The following TRIOBP variants were observed in gnomAD, a reference collection of about 807,000 sequenced individuals.
TRIOBP encodes the protein TRIO and F-actin-binding protein.
TRIOBP carries 169 observed loss-of-function variants against 238.8 expected under a neutral mutation model. The ratio of observed to expected loss-of-function variants is 0.71; its 90% confidence interval spans 0.62 to 0.80. TRIOBP has a LOEUF of 0.80. Among genes scored for constraint, TRIOBP ranks in the 30% least tolerant of loss-of-function variants. TRIOBP has a pLI of 0.00. For synonymous variants in TRIOBP, 1,150 were observed against 1,274.4 expected (o/e 0.90, Z 2.08); for missense variants, 2,838 against 3,122.6 (o/e 0.91, Z 2.17).
chr22:37,746,245 G>T (rs1925246201), intron 11 of TRIOBP: 2 of 1,090,330 alleles, frequency 1.8e-6, no homozygotes, highest in Non-Finnish European at 2.2e-6. Flanking sequence ...TTTATGGGCG[G>T]ATGGAAGGGG....
At chr22:37,744,340 T>C (rs899612781) in intron 11 of TRIOBP, among the ~76,000 whole-genome samples, 3 of 152,160 alleles carry the variant, frequency 2.0e-5, no homozygotes, top group Admixed American at 1.3e-4. Context: ...TATTTACTTA[T>C]TGTATTTTGC....
chr22:37,755,400 T>C (rs1222745395), intron 14 of TRIOBP, 150 bp from the exon 15 acceptor site: 1 of 917,746 alleles, frequency 1.1e-6, no homozygotes, highest in Non-Finnish European at 1.7e-6. Flanking sequence ...CCCAGGCCAA[T>C]GGAAGGGAGG....
intron 12 of TRIOBP, among the ~76,000 whole-genome samples, chr22:37,753,317 C>T (rs1925724750): frequency 6.6e-6 from 1 of 152,010 alleles, no homozygotes; most frequent in Non-Finnish European, 1.5e-5. Context: ...TCTTGTTGCC[C>T]AGGCTGGAGT....
chr22:37,703,241 G>C (rs1232487915), intron 3 of TRIOBP, among the ~76,000 whole-genome samples: 1 of 151,902 alleles, frequency 6.6e-6, no homozygotes, highest in Non-Finnish European at 1.5e-5. Context: ...TGATCTGTCT[G>C]CCTCGGCTTC....
At position 37,723,895 on chromosome 22, in the gene TRIOBP, A is replaced by T. The variant is rs537300122; in HGVS notation, c.1339A>T (p.Thr447Ser). ...NPRASSPSRATRDNPTTSCAQ... is the reference protein window; with the variant it reads ...NPRASSPSRASRDNPTTSCAQ... ...CAGAGCCTCCTCTCCCAGTAGAGCT[A>T]CACGAGACAACCCCACAACATCCTG... is the stretch of plus-strand genomic sequence containing the variant. Residue 447 changes from threonine (T) to serine (S), a missense_variant, in exon 7 of 24, where the codon ACA (threonine) becomes TCA (serine). Thr to Ser is a moderately conservative substitution (Grantham distance 58). Coordinates refer to ENST00000644935, the MANE Select transcript of TRIOBP (RefSeq NM_001039141.3). 1 of 1,569,938 alleles carries T rather than the reference A, an allele frequency of 6.4e-7. No individual in the cohort carries two copies.
At chr22:37,760,970 C>CAA (rs1011701001) in intron 17 of TRIOBP, among the ~76,000 whole-genome samples, 5 of 108,344 alleles carry the variant, frequency 4.6e-5, no homozygotes, top group Non-Finnish European at 7.8e-5. Flanking sequence ...GACTCCATCT[C>CAA]AAAAAAAAAA....
At chr22:37,763,028 G>A (rs1396486646) in intron 17 of TRIOBP, among the ~76,000 whole-genome samples, 6 of 152,148 alleles carry the variant, frequency 3.9e-5, no homozygotes. Context: ...ACTCAGGAAG[G>A]TAGGTGAGAG....
chr22:37,746,495 C>A, intron 11 of TRIOBP: 1 of 1,250,194 alleles, frequency 8.0e-7, no homozygotes, highest in Non-Finnish European at 1.0e-6. Flanking sequence ...CCAGCCTCTC[C>A]CCTCCGGGGC....
At chr22:37,768,240 G>T in intron 19 of TRIOBP, 64 bp downstream of exon 19, 1 of 1,381,100 alleles carries the variant, frequency 7.2e-7, no homozygotes, top group Non-Finnish European at 1.0e-6. Flanking sequence ...CTTTGCTGAG[G>T]CCCCTTGGCA....
At chr22:37,700,298 G>A (rs1382810743) in intron 2 of TRIOBP, among the ~76,000 whole-genome samples, 2 of 134,418 alleles carry the variant, frequency 1.5e-5, no homozygotes, top group East Asian at 4.5e-4. Context: ...ATGTGGTCTT[G>A]CTATGTTGCC....
Position 37,758,102 on chromosome 22 carries a change from GCCC to G in TRIOBP, c.6180_6182del (p.Pro2061del). 6.2e-7 allele frequency: 1 copy of G among 1,611,094 alleles called. No homozygotes were observed. The highest frequency in any genetic ancestry group is 8.5e-7 in the Non-Finnish European group (1 of 1,179,948). On this transcript the variant is annotated inframe_deletion, in exon 16 of 24. Transcript: ENST00000644935. ...ACCAAAGCCGCGGAGAGCGCCGAGGGCCCCCAAGTGACGGCCACGAGGCACTGG... is the reference window on the plus strand; with the variant it reads ...ACCAAAGCCGCGGAGAGCGCCGAGGGCCAAGTGACGGCCACGAGGCACTGG...
At chr22:37,711,597 A>C (rs1923245313) in intron 4 of TRIOBP, among the ~76,000 whole-genome samples, 1 of 8,670 alleles carries the variant, frequency 1.2e-4, no homozygotes, top group Non-Finnish European at 1.4e-3. Context: ...AAAAAACAAC[A>C]AAAAAAAAAA....
rs1475808690 is a variant in TRIOBP at position 37,757,802 on chromosome 22, C to T, written c.5877C>T (p.Ala1959=). 6.5e-7 allele frequency: 1 copy of T among 1,547,674 alleles called. No homozygotes were observed. The highest frequency in any genetic ancestry group is 2.0e-5 in the Admixed American group (1 of 50,972). The change falls in exon 16 of 24, where the codon GCC becomes GCT. Residue 1959 remains alanine, a synonymous_variant. Coordinates refer to ENST00000644935, the MANE Select transcript of TRIOBP (RefSeq NM_001039141.3). ...TGACCCAGGCTTCCCCGCAGCGGGC[C>T]CGCACCCCAGCCCGCACTCCTGACC... The part of the protein sequence containing the change: ...SPLTQASPQR[A]RTPARTPDRL...
intron 17 of TRIOBP, among the ~76,000 whole-genome samples, chr22:37,765,107 C>T (rs1024536558): frequency 6.6e-6 from 1 of 152,118 alleles, no homozygotes; most frequent in Non-Finnish European, 1.5e-5. Context: ...ACAGTGAAAC[C>T]CCATCTCTAC....
Position 37,723,171 on chromosome 22 carries a change from T to C in TRIOBP, c.629-14T>C. On this transcript the variant is annotated splice_polypyrimidine_tract_variant and intron_variant, in intron 6 of 23. Transcript: ENST00000644935. ...CCTCTCCCCTTACCTTGAGCCCCTC[T>C]CTTCTCTCTCCAGACACCGGCGGTG... The C allele has an allele frequency of 1.2e-6, 2 of 1,613,692 alleles. No homozygotes were observed. Among genetic ancestry groups the C allele is most frequent in the South Asian group, 1.1e-5 (1 of 91,052 alleles).
chr22:37,748,037 G>T (rs1376943868), intron 11 of TRIOBP, among the ~76,000 whole-genome samples: 1 of 152,166 alleles, frequency 6.6e-6, no homozygotes, highest in Non-Finnish European at 1.5e-5. Context: ...AGGTGGAGAT[G>T]GACTAGCGAG....
chr22:37,752,836 G>A (rs1486372456), intron 12 of TRIOBP, among the ~76,000 whole-genome samples: 4 of 152,134 alleles, frequency 2.6e-5, no homozygotes. Flanking sequence ...TGTCCGAACT[G>A]GAAGGGCCCT....
intron 6 of TRIOBP, among the ~76,000 whole-genome samples, chr22:37,716,363 TG>T (rs1923519731): frequency 6.6e-6 from 1 of 152,028 alleles, no homozygotes; most frequent in Non-Finnish European, 1.5e-5. Flanking sequence ...CTGCCCATCT[TG>T]GCCTCCTAAA....
At chr22:37,712,933 G>A (rs1468873047) in intron 4 of TRIOBP, among the ~76,000 whole-genome samples, 1 of 150,164 alleles carries the variant, frequency 6.7e-6, no homozygotes, top group Non-Finnish European at 1.5e-5. Flanking sequence ...CTCCAGCCTG[G>A]GTGACAGAGC....
Sources: gnomAD v4.1 joint callset for allele counts (sites outside exome capture counted in the v4.1 genomes callset) on GRCh38, gnomAD v4.1.1 for gene constraint, MANE v1.5 for transcripts, NCBI Gene and HGNC (gene_info 2026-07-23, HGNC 2026-07-21) for gene names.